The following GNAL variants were observed in gnomAD, a reference collection of about 807,000 sequenced individuals.
GNAL encodes the protein G protein subunit alpha L, also known as guanine nucleotide-binding protein G(olf) subunit alpha.
Under a neutral mutation model 55.1 loss-of-function variants are expected in GNAL, and 18 were observed. The ratio of observed to expected loss-of-function variants is 0.33; its 90% CI spans 0.23 to 0.48. The LOEUF (loss-of-function observed/expected upper bound fraction) is 0.48, where lower values mean the gene tolerates loss of function less well. GNAL is among the 20% of genes least tolerant of loss of function. GNAL has a pLI of 0.99. For missense variants in GNAL, 412 were observed against 614.1 expected, an observed-to-expected ratio of 0.67 and a Z score of 3.48; for synonymous variants, 253 against 237.0, an observed-to-expected ratio of 1.07 and a Z score of -0.62.
chr18:11,861,351 G>T (rs2036132502), intron 5 of GNAL, among the ~76,000 whole-genome samples: 1 of 152,012 alleles, frequency 6.6e-6, no homozygotes, highest in Admixed American at 6.6e-5. Flanking sequence ...GTGCTTGTTG[G>T]TCCCCGAGGG....
At chr18:11,780,747 G>A (rs1049986400) in intron 4 of GNAL, among the ~76,000 whole-genome samples, 49 of 152,288 alleles carry the variant, frequency 3.2e-4, no homozygotes, top group African/African-American at 1.2e-3. Context: ...TCACAGGCAT[G>A]AAAAAGCGCG....
Position 11,752,534 on chromosome 18 carries a change from A to C in GNAL, c.377-319A>C, listed in dbSNP as rs1193569056. On this transcript the variant is annotated intron_variant, in intron 1 of 11. Transcript: ENST00000334049. The surrounding 1 kb of genome is among the most constrained non-coding windows in gnomAD (Gnocchi z 4.5). ...AAAAAGATCGAGAAGCAGTTGCAGA[A>C]AGAGCGCCTGGCTTACAAGGCTACC... The C allele has an allele frequency of 6.2e-7, 1 of 1,613,000 alleles. No homozygotes were observed. The highest frequency in any genetic ancestry group is 8.5e-7 in the Non-Finnish European group (1 of 1,179,612).
At chr18:11,824,754 A>G (rs1359788244) in intron 4 of GNAL, among the ~76,000 whole-genome samples, 164 bp from the exon 5 acceptor site, 3 of 152,188 alleles carry the variant, frequency 2.0e-5, no homozygotes, top group South Asian at 4.1e-4. Flanking sequence ...TACATTTTTT[A>G]TCACACTAAA....
intron 5 of GNAL, 53 bp from the exon 6 acceptor site, chr18:11,862,342 C>T: frequency 6.9e-7 from 1 of 1,450,968 alleles, no homozygotes; most frequent in Non-Finnish European, 9.7e-7. Flanking sequence ...TCCCCAACCC[C>T]AGGGGAAAGT....
At position 11,828,462 on chromosome 18, in the gene GNAL, T is replaced by C. The variant is rs573042197; in HGVS notation, c.722+3447T>C. Among the ~76,000 whole-genome samples, 4 of 152,182 alleles carry C rather than the reference T, an allele frequency of 2.6e-5. No homozygotes were observed. In the South Asian group the frequency reaches 6.2e-4, roughly 24 times the overall value. On this transcript the variant is annotated intron_variant, in intron 5 of 11. Transcript: ENST00000334049. ...TCACGTGCTTTAGAGGTGGGAAGAA[T>C]ATACCAGGAAAATGCTAGCAACTGG...
At chr18:11,866,703 C>G (rs1353903835) in intron 7 of GNAL, among the ~76,000 whole-genome samples, 2 of 150,082 alleles carry the variant, frequency 1.3e-5, no homozygotes, top group African/African-American at 5.1e-5. Context: ...GTAGTGTAGA[C>G]AGATCAGCAA....
chr18:11,880,168 A>G (rs1369016557), intron 11 of GNAL, among the ~76,000 whole-genome samples: 1 of 150,798 alleles, frequency 6.6e-6, no homozygotes, highest in Non-Finnish European at 1.5e-5. Flanking sequence ...GAGGCAGGAG[A>G]ATTGCTTGAA....
At chr18:11,879,441 A>G (rs2036610180) in intron 11 of GNAL, among the ~76,000 whole-genome samples, 1 of 152,192 alleles carries the variant, frequency 6.6e-6, no homozygotes, top group African/African-American at 2.4e-5. Context: ...TGTCTTAAAC[A>G]GCAGAAATGT....
chr18:11,870,393 CGCCTGTAATCCCAGCTACTCGGGA>C (rs1276312421), intron 9 of GNAL, among the ~76,000 whole-genome samples: 2 of 151,940 alleles, frequency 1.3e-5, no homozygotes, highest in Non-Finnish European at 2.9e-5. Context: ...TGGTGGTGGG[CGCCTGTAATCCCAGCTACTCGGGA>C]GGCTGAGGCA....
intron 4 of GNAL, among the ~76,000 whole-genome samples, chr18:11,767,580 C>G (rs1239057521): frequency 6.6e-6 from 1 of 152,080 alleles, no homozygotes; most frequent in South Asian, 2.1e-4. Flanking sequence ...CGCCCTTGGC[C>G]TTGCACGCTT....
chr18:11,699,565 G>C (rs1038082114), intron 1 of GNAL, among the ~76,000 whole-genome samples: 20 of 151,618 alleles, frequency 1.3e-4, no homozygotes, highest in Non-Finnish European at 2.7e-4. Flanking sequence ...TTGAGGGGGG[G>C]GGTTGGCTTT....
At chr18:11,807,423 T>C (rs1207288968) in intron 4 of GNAL, among the ~76,000 whole-genome samples, 1 of 152,156 alleles carries the variant, frequency 6.6e-6, no homozygotes, top group East Asian at 1.9e-4. Context: ...AATTTAGCAG[T>C]GCGAGAATCA....
intron 1 of GNAL, among the ~76,000 whole-genome samples, chr18:11,737,067 G>T (rs2032477878): frequency 6.6e-6 from 1 of 152,204 alleles, no homozygotes; most frequent in Non-Finnish European, 1.5e-5. Context: ...TTCTTTCTGT[G>T]AGCTTGGAAT....
intron 4 of GNAL, among the ~76,000 whole-genome samples, chr18:11,755,020 G>A (rs1160911494): frequency 6.6e-6 from 1 of 152,042 alleles, no homozygotes. Context: ...GTGTGTGTGT[G>A]TGTGTGTGTA....
At chr18:11,697,298 G>A (rs2031442055) in intron 1 of GNAL, among the ~76,000 whole-genome samples, 1 of 152,218 alleles carries the variant, frequency 6.6e-6, no homozygotes, top group African/African-American at 2.4e-5. Flanking sequence ...AGCGCTTTGG[G>A]AGGCTGAGGT....
Position 11,705,663 on chromosome 18 carries a change from G to A in GNAL, c.376+15724G>A, listed in dbSNP as rs116076512. ...TAATGGCCATCCTAACAGGTGTGAG[G>A]TGATATGTCATTATGGTTTTGATTT... On this transcript the variant is annotated intron_variant, in intron 1 of 11. Coordinates refer to ENST00000334049, the MANE Select transcript of GNAL (RefSeq NM_182978.4). Among the ~76,000 whole-genome samples the A allele has an allele frequency of 6.2e-3, 935 of 151,886 alleles. 4 individuals carry two copies. The highest frequency in any genetic ancestry group is 0.021 in the African/African-American group (874 of 41,380).
At chr18:11,748,241 A>T (rs778401051) in intron 1 of GNAL, among the ~76,000 whole-genome samples, 4 of 152,174 alleles carry the variant, frequency 2.6e-5, no homozygotes, top group Non-Finnish European at 4.4e-5. Flanking sequence ...TTTATGTTTT[A>T]GAGTGTTGGC....
In GNAL at chr18:11,884,430, A is replaced by C. The variant is rs571903932; in HGVS notation, c.*3295A>C. On this transcript the variant is annotated 3_prime_UTR_variant, in exon 12 of 12. Coordinates refer to ENST00000334049, the MANE Select transcript of GNAL (RefSeq NM_182978.4). The stretch of plus-strand genomic sequence containing the variant: ...CCATTTCTTGGGCTTTGATATTTAT[A>C]ATGGCGCCTGCTCTTCATCTTGTCT... 2 of 1,609,372 alleles carry C rather than the reference A, an allele frequency of 1.2e-6. No individual in the cohort carries two copies. The highest frequency in any genetic ancestry group is 1.7e-5 in the Admixed American group (1 of 59,616).
At chr18:11,796,591 A>C (rs1044381379) in intron 4 of GNAL, among the ~76,000 whole-genome samples, 29 of 149,332 alleles carry the variant, frequency 1.9e-4, no homozygotes, top group South Asian at 4.2e-4. Flanking sequence ...AAAAAAAAAA[A>C]AAAACAAAAC....
Sources: allele counts gnomAD v4.1 joint callset (sites outside exome capture counted in the v4.1 genomes callset), GRCh38; gene constraint gnomAD v4.1.1; non-coding constraint Gnocchi (gnomAD v3.1); transcripts MANE v1.5; gene names NCBI Gene and HGNC (gene_info 2026-07-23, HGNC 2026-07-21).